PKNOX2: variants seen among roughly 807,000 people sequenced by gnomAD.
PKNOX2 encodes the protein PBX/knotted 1 homeobox 2, also known as homeobox protein PKNOX2.
A neutral mutation model predicts 53.1 loss-of-function variants in PKNOX2; 14 were observed. The observed-to-expected ratio is 0.26, with a 90% CI of 0.17 to 0.41. The LOEUF (loss-of-function observed/expected upper bound fraction) is 0.41. Among genes scored for constraint, PKNOX2 ranks in the 10% least tolerant of loss-of-function variants. PKNOX2 has a pLI of 1.00. For missense variants in PKNOX2, 496 were observed against 602.8 expected, an observed-to-expected ratio of 0.82 and a Z score of 1.85; for synonymous variants, 257 against 242.8, an observed-to-expected ratio of 1.06 and a Z score of -0.54.
intron 4 of PKNOX2, among the ~76,000 whole-genome samples, chr11:125,354,444 C>G (rs1487835281): frequency 6.6e-6 from 1 of 152,178 alleles, no homozygotes; most frequent in Non-Finnish European, 1.5e-5. Flanking sequence ...CTTCAGAAAC[C>G]CAGTTTCTTC....
intron 1 of PKNOX2, among the ~76,000 whole-genome samples, chr11:125,223,220 C>T: frequency 6.6e-6 from 1 of 151,754 alleles, no homozygotes; most frequent in Admixed American, 6.6e-5. Flanking sequence ...AGCCCACACT[C>T]TTCCTCTTTT....
rs773608266 is a variant in PKNOX2 at position 125,410,821 on chromosome 11, G to T, written c.761G>T (p.Gly254Val). ...YQPVTMVTSQ[G>V]QVVTQAIPQG... Reference sequence around the variant, plus strand: ...CCGGTTACCATGGTAACCTCCCAGGGTCAGGTGGTCACCCAAGCAATCCCC... The same window carrying T: ...CCGGTTACCATGGTAACCTCCCAGGTTCAGGTGGTCACCCAAGCAATCCCC... Residue 254 changes from glycine to valine, a missense_variant, in exon 9 of 13, where the codon GGT (glycine) becomes GTT (valine). Around this residue, in one of 5 missense-constraint regions of PKNOX2, gnomAD observed 141 missense variants for 143.9 expected, o/e 0.98. Transcript: ENST00000298282. 8 of 1,614,084 alleles carry T rather than the reference G, an allele frequency of 5.0e-6. No homozygotes were observed. The highest frequency in any genetic ancestry group is 6.8e-6 in the Non-Finnish European group (8 of 1,180,002).
chr11:125,292,176 C>A (rs762900944), intron 2 of PKNOX2, among the ~76,000 whole-genome samples: 2 of 152,224 alleles, frequency 1.3e-5, no homozygotes, highest in South Asian at 2.1e-4. Context: ...CCCCAGCAGG[C>A]CTTTCTCCCC....
intron 1 of PKNOX2, among the ~76,000 whole-genome samples, chr11:125,180,480 T>A (rs1956093670): frequency 6.6e-6 from 1 of 152,232 alleles, no homozygotes; most frequent in Admixed American, 6.5e-5. Context: ...ACTCATGGAA[T>A]GTCAGAATTG....
chr11:125,229,552 G>A (rs572308092), intron 1 of PKNOX2, among the ~76,000 whole-genome samples: 6 of 152,324 alleles, frequency 3.9e-5, no homozygotes, highest in South Asian at 2.1e-4. Context: ...ATAAGGAGTC[G>A]TGGAAGGGTA....
Position 125,360,461 on chromosome 11 carries a change from T to A in PKNOX2, c.88-7385T>A, listed in dbSNP as rs1017968049. On this transcript the variant is annotated intron_variant, in intron 4 of 12. Transcript: ENST00000298282. ...CTCGCAGTAGCCCTGGGAAGAGATATTAATAGCTCCATTTTTACCTCATGG... is the reference window on the plus strand; with the variant it reads ...CTCGCAGTAGCCCTGGGAAGAGATAATAATAGCTCCATTTTTACCTCATGG... Among the ~76,000 whole-genome samples the A allele has an allele frequency of 2.0e-5, 3 of 152,192 alleles. No homozygotes were observed. In the South Asian group the frequency reaches 6.2e-4, roughly 32 times the overall value.
intron 4 of PKNOX2, among the ~76,000 whole-genome samples, chr11:125,354,265 C>G (rs140627882): frequency 6.6e-6 from 1 of 152,310 alleles, no homozygotes; most frequent in African/African-American, 2.4e-5. Context: ...GAAGCAGGAC[C>G]TGATGGGAAC....
At chr11:125,233,633 A>C (rs1025776743) in intron 1 of PKNOX2, among the ~76,000 whole-genome samples, 5 of 152,170 alleles carry the variant, frequency 3.3e-5, no homozygotes, top group African/African-American at 1.2e-4. Flanking sequence ...TCCATGAGCT[A>C]TGAGCCTTGA....
chr11:125,410,691 A>G (rs2135543923), intron 8 of PKNOX2, 88 bp from the exon 9 acceptor site: 1 of 1,011,040 alleles, frequency 9.9e-7, no homozygotes, highest in Non-Finnish European at 1.5e-6. Context: ...GTCTTTACAC[A>G]TGAGTGCCAA....
At chr11:125,312,051 T>C (rs564572473) in intron 2 of PKNOX2, among the ~76,000 whole-genome samples, 26 of 152,252 alleles carry the variant, frequency 1.7e-4, no homozygotes, top group Non-Finnish European at 3.7e-4. Context: ...TCCAGCACTT[T>C]AGATTGGGCA....
chr11:125,283,063 A>G (rs1403002339), intron 2 of PKNOX2, among the ~76,000 whole-genome samples: 1 of 152,178 alleles, frequency 6.6e-6, no homozygotes, highest in African/African-American at 2.4e-5. Context: ...GAGGCAGGAG[A>G]ATCGCTTGAG....
intron 5 of PKNOX2, among the ~76,000 whole-genome samples, chr11:125,381,577 G>A (rs759229575): frequency 1.1e-4 from 17 of 152,102 alleles, no homozygotes; most frequent in Non-Finnish European, 2.9e-5. Flanking sequence ...AAGTGAAGGA[G>A]GTTTAGAAGA....
At chr11:125,318,443 C>G (rs1301109797) in intron 2 of PKNOX2, among the ~76,000 whole-genome samples, 1 of 152,104 alleles carries the variant, frequency 6.6e-6, no homozygotes, top group Non-Finnish European at 1.5e-5. Context: ...CTGCAGCTTT[C>G]TCACCTCTCT....
chr11:125,409,963 G>A lies in PKNOX2; in HGVS notation c.589-233G>A, dbSNP rs941394269. ...ATAATTTGTGCCTTAGGTTTTCAGG[G>A]CAATGGAATGGTTAAATGGGTGACT... is the stretch of plus-strand genomic sequence containing the variant. On this transcript the variant is annotated intron_variant, in intron 7 of 12. Transcript: ENST00000298282. The A allele has an allele frequency of 1.1e-5, 5 of 463,752 alleles. No individual in the cohort carries two copies. The East Asian group carries it at 1.6e-4, about 14-fold the overall frequency. 28.7% of individuals were successfully genotyped at this position (463,752 alleles called of 1,614,324 possible).
chr11:125,179,005 C>A (rs1337242086), intron 1 of PKNOX2, among the ~76,000 whole-genome samples: 1 of 151,938 alleles, frequency 6.6e-6, no homozygotes, highest in African/African-American at 2.4e-5. Context: ...GGTCCTTCCC[C>A]TTCAAGCCTT....
intron 2 of PKNOX2, among the ~76,000 whole-genome samples, chr11:125,257,069 GT>G (rs950492340): frequency 6.6e-6 from 1 of 150,740 alleles, no homozygotes; most frequent in Admixed American, 6.6e-5. Flanking sequence ...TTATGCTTCA[GT>G]TACAATTTTA....
At chr11:125,380,049 A>C (rs1372633951) in intron 5 of PKNOX2, among the ~76,000 whole-genome samples, 6 of 151,920 alleles carry the variant, frequency 3.9e-5, no homozygotes, top group Non-Finnish European at 7.4e-5. Context: ...AGAAATAATA[A>C]AATGTTATTC....
chr11:125,384,916 C>T (rs1953517940), intron 5 of PKNOX2, among the ~76,000 whole-genome samples: 1 of 152,190 alleles, frequency 6.6e-6, no homozygotes, highest in Non-Finnish European at 1.5e-5. Flanking sequence ...AAATGATTTG[C>T]ATCACATAGT....
chr11:125,246,081 A>C (rs1252273188), intron 2 of PKNOX2, among the ~76,000 whole-genome samples: 1 of 152,236 alleles, frequency 6.6e-6, no homozygotes, highest in East Asian at 1.9e-4. Context: ...GGGAACAGGA[A>C]GAATAGCCAG....
Sources: allele counts gnomAD v4.1 joint callset (sites outside exome capture counted in the v4.1 genomes callset), GRCh38; gene constraint gnomAD v4.1.1; regional missense constraint gnomAD v4.1.1; transcripts MANE v1.5; gene names NCBI Gene and HGNC (gene_info 2026-07-23, HGNC 2026-07-21).